The following ACSM3 variants were observed in gnomAD, a reference collection of about 807,000 sequenced individuals.
ACSM3 encodes acyl-coenzyme A synthetase ACSM3, mitochondrial.
In ACSM3, 61 loss-of-function variants were observed where a neutral mutation model predicts 74.1. The observed-to-expected ratio is 0.82, with a 90% CI of 0.67 to 1.02. The LOEUF (loss-of-function observed/expected upper bound fraction) is 1.02. Ranked by LOEUF, ACSM3 falls within the 50% of genes least tolerant of loss-of-function variation. The pLI, the probability that ACSM3 is intolerant of heterozygous loss-of-function variation, is 0.00. For synonymous variants in ACSM3, 213 were observed against 241.5 expected (o/e 0.88, Z 1.09); for missense variants, 660 against 697.0 (o/e 0.95, Z 0.60).
rs1567319978 is a variant in ACSM3, at chr16:20,704,878, G to C, written c.-190+30056G>C. Among the ~76,000 whole-genome samples the C allele has an allele frequency of 3.9e-5, 6 of 152,182 alleles. No individual in the cohort carries two copies. The South Asian group carries it at 1.2e-3, about 31-fold the overall frequency. ...GATGATTTGGGAGTAGATTTTTCTA[G>C]GTAAGCTAAAATTCACATGCTCACA... On this transcript the variant is annotated intron_variant, in intron 1 of 3. Transcript: ENST00000561584.
intron 2 of ACSM3, among the ~76,000 whole-genome samples, chr16:20,771,221 C>T (rs1005674956): frequency 2.0e-5 from 3 of 152,058 alleles, no homozygotes; most frequent in Non-Finnish European, 2.9e-5. Flanking sequence ...GCCACCATGC[C>T]GGCTAATTTT....
At chr16:20,746,512 A>G (rs2079958599) in intron 1 of ACSM3, among the ~76,000 whole-genome samples, 1 of 152,250 alleles carries the variant, frequency 6.6e-6, no homozygotes, top group Non-Finnish European at 1.5e-5. Context: ...AATAACATAA[A>G]ATGCGTAAGA....
rs1417384155 is a variant in ACSM3, at chr16:20,786,206, A to ACTAC, written c.1224+58_1224+61dup. 4 of 1,591,422 alleles carry ACTAC rather than the reference A, an allele frequency of 2.5e-6. No individual in the cohort carries two copies. In the East Asian group the frequency reaches 9.2e-5, roughly 37 times the overall value. On this transcript the variant is annotated intron_variant, in intron 9 of 13. Coordinates refer to ENST00000289416, the MANE Select transcript of ACSM3 (RefSeq NM_005622.4). Reference sequence around the variant, plus strand: ...GAATGTTTAACAACCCAATCTGTACACTACCTACCTACCGCTTACCCCCAT... The same window carrying ACTAC: ...GAATGTTTAACAACCCAATCTGTACACTACCTACCTACCTACCGCTTACCCCCAT...
At chr16:20,791,706 C>G (rs1488471400) in intron 10 of ACSM3, among the ~76,000 whole-genome samples, 1 of 152,164 alleles carries the variant, frequency 6.6e-6, no homozygotes, top group Non-Finnish European at 1.5e-5. Flanking sequence ...GTGGGCGGAT[C>G]ACTTGAGGTA....
At chr16:20,696,198 A>T (rs1157258822) in intron 1 of ACSM3, among the ~76,000 whole-genome samples, 1 of 152,370 alleles carries the variant, frequency 6.6e-6, no homozygotes, top group South Asian at 2.1e-4. Context: ...CATAATAACA[A>T]AATCACCTAA....
intron 3 of ACSM3, 93 bp from the exon 4 acceptor site, chr16:20,777,280 A>T: frequency 8.5e-7 from 1 of 1,179,522 alleles, no homozygotes; most frequent in Non-Finnish European, 1.2e-6. Context: ...ACTCACTCTG[A>T]GAAATACAGA....
intron 12 of ACSM3, among the ~76,000 whole-genome samples, chr16:20,795,140 T>G (rs1452395176): frequency 1.3e-5 from 2 of 152,222 alleles, no homozygotes; most frequent in Admixed American, 1.3e-4. Flanking sequence ...ACACAAGGGT[T>G]CACAACTGCC....
intron 7 of ACSM3, chr16:20,783,135 T>C (rs1426116714): frequency 6.6e-6 from 1 of 152,202 alleles, no homozygotes; most frequent in Non-Finnish European, 1.5e-5. Flanking sequence ...GGGAGCCCCA[T>C]TGAGAGTCGC....
chr16:20,690,956 C>G (rs758458243), intron 1 of ACSM3: 1 of 1,573,190 alleles, frequency 6.4e-7, no homozygotes, highest in African/African-American at 1.4e-5. Flanking sequence ...GAAAGTGAGG[C>G]CACCCTTGTT....
intron 1 of ACSM3, chr16:20,738,761 A>C (rs117166174): frequency 1.0e-6 from 1 of 990,216 alleles, no homozygotes; most frequent in East Asian, 2.4e-5. Flanking sequence ...GCCAACTGCT[A>C]ATACAGTGTA....
rs760264524 is a variant in ACSM3, at chr16:20,781,672, T to C, written c.940-36T>C. 4.0e-6 allele frequency: 6 copies of C among 1,485,370 alleles called. No individual in the cohort carries two copies. In the East Asian group the frequency reaches 1.4e-4, roughly 34 times the overall value. 92.0% of individuals were successfully genotyped at this position (1,485,370 alleles called of 1,614,324 possible). On this transcript the variant is annotated intron_variant, in intron 6 of 13. Transcript: ENST00000289416. ...GACATTTAAGCACTTATTTAAGTTG[T>C]AGTAAGACCAAGAGTTTGCTTTTTC...
chr16:20,752,704 T>A (rs965127173), intron 2 of ACSM3, among the ~76,000 whole-genome samples: 1 of 152,166 alleles, frequency 6.6e-6, no homozygotes, highest in Non-Finnish European at 1.5e-5. Flanking sequence ...AAAATGGAGA[T>A]CCCTATGAAA....
intron 1 of ACSM3, chr16:20,703,416 T>C (rs2079718750): frequency 6.6e-6 from 1 of 152,264 alleles, no homozygotes; most frequent in South Asian, 2.1e-4. Context: ...ATGACCATTT[T>C]CACTACATTG....
intron 3 of ACSM3, among the ~76,000 whole-genome samples, chr16:20,757,046 T>C (rs993412471): frequency 6.6e-6 from 1 of 151,326 alleles, no homozygotes. Flanking sequence ...AGCCTTGTAG[T>C]ATAGTTTGAA....
intron 1 of ACSM3, chr16:20,737,168 C>A (rs1393593610): frequency 1.2e-6 from 2 of 1,614,070 alleles, no homozygotes; most frequent in Non-Finnish European, 1.7e-6. Flanking sequence ...ATTTTCTAAA[C>A]AACATGTAAT....
chr16:20,735,395 A>G, intron 1 of ACSM3: 1 of 143,884 alleles, frequency 7.0e-6, no homozygotes. Flanking sequence ...TTTTTTTAAC[A>G]TTTTTGCATA....
At chr16:20,783,341 C>T (rs1048881594) in intron 7 of ACSM3, 2 of 152,156 alleles carry the variant, frequency 1.3e-5, no homozygotes, top group Non-Finnish European at 2.9e-5. Context: ...GGTTGAGTAT[C>T]CCTTATCCAA....
At chr16:20,730,030 T>C (rs1227105201) in intron 1 of ACSM3, among the ~76,000 whole-genome samples, 1 of 152,152 alleles carries the variant, frequency 6.6e-6, no homozygotes, top group Non-Finnish European at 1.5e-5. Flanking sequence ...TTCAAGTAAC[T>C]CTCAGGACTG....
chr16:20,725,253 A>G (rs1346639244), intron 1 of ACSM3: 1 of 162,394 alleles, frequency 6.2e-6, no homozygotes, highest in Non-Finnish European at 1.4e-5. Context: ...AGTAGTGACC[A>G]CGGGATGGGC....
Sources: allele counts gnomAD v4.1 joint callset (sites outside exome capture counted in the v4.1 genomes callset), GRCh38; gene constraint gnomAD v4.1.1; transcripts MANE v1.5; gene names NCBI Gene and HGNC (gene_info 2026-07-23, HGNC 2026-07-21).